NR1I2: variants seen among roughly 807,000 people sequenced by gnomAD.
The protein encoded by NR1I2 is orphan nuclear receptor PAR1.
Under a neutral mutation model 43.3 loss-of-function variants are expected in NR1I2, and 42 were observed. That is an observed-to-expected ratio of 0.97 (90% CI 0.76 to 1.26). The LOEUF (loss-of-function observed/expected upper bound fraction) is 1.26. Ranked by LOEUF, NR1I2 falls within the 50% of genes most tolerant of loss-of-function variation. NR1I2 has a pLI of 0.00. For missense variants in NR1I2, 559 were observed against 566.7 expected, an observed-to-expected ratio of 0.99 and a Z score of 0.14; for synonymous variants, 229 against 215.0, an observed-to-expected ratio of 1.06 and a Z score of -0.57.
At position 119,807,458 on chromosome 3, in the gene NR1I2, C is replaced by T; in HGVS notation, c.197+11C>T. ...CAAGGGCTTTTTCAGGTAGAGTTACCCATCAGCCTTCACCCACGTGCCACC... is the reference window on the plus strand; with the variant it reads ...CAAGGGCTTTTTCAGGTAGAGTTACTCATCAGCCTTCACCCACGTGCCACC... On this transcript the variant is annotated intron_variant, in intron 2 of 8. Transcript: ENST00000393716. 3 of 1,611,074 alleles carry T rather than the reference C, an allele frequency of 1.9e-6. No individual in the cohort carries two copies. Among genetic ancestry groups the T allele is most frequent in the Non-Finnish European group, 2.5e-6 (3 of 1,178,590 alleles).
chr3:119,783,508 G>C (rs1272813937), intron 1 of NR1I2, among the ~76,000 whole-genome samples: 1 of 152,022 alleles, frequency 6.6e-6, no homozygotes, highest in Non-Finnish European at 1.5e-5. Context: ...TTAACTATCT[G>C]GCCTTTAACA....
intron 8 of NR1I2, 119 bp downstream of exon 8, chr3:119,815,950 G>C: frequency 1.2e-6 from 1 of 803,070 alleles, no homozygotes; most frequent in Middle Eastern, 2.5e-4. Flanking sequence ...AGCCAGACCA[G>C]GTCCAAAGCT....
At chr3:119,815,648 C>A in intron 7 of NR1I2, 78 bp from the exon 8 acceptor site, 2 of 1,311,618 alleles carry the variant, frequency 1.5e-6, no homozygotes, top group Non-Finnish European at 2.2e-6. Flanking sequence ...GGGTGGTTGG[C>A]GAGCAATGCC....
intron 1 of NR1I2, 75 bp from the exon 2 acceptor site, chr3:119,807,154 G>C: frequency 7.7e-7 from 1 of 1,301,592 alleles, no homozygotes; most frequent in Admixed American, 1.9e-5. Flanking sequence ...GCATAGAAGG[G>C]ACAGAGTGTT....
At chr3:119,783,746 A>G (rs1434199042) in intron 1 of NR1I2, among the ~76,000 whole-genome samples, 1 of 152,174 alleles carries the variant, frequency 6.6e-6, no homozygotes, top group Non-Finnish European at 1.5e-5. Context: ...AGTTTCCCCA[A>G]AAGTACTTAG....
intron 1 of NR1I2, among the ~76,000 whole-genome samples, chr3:119,799,983 CAA>C (rs35810054): frequency 0.025 from 3,031 of 122,420 alleles, 36 homozygotes; most frequent in Middle Eastern, 0.11. Flanking sequence ...AACAAACAAA[CAA>C]ACACACACAC....
At position 119,782,294 on chromosome 3, in the gene NR1I2, C is replaced by T. The variant is rs2054783985; in HGVS notation, c.-29C>T. 1 of 170,610 alleles carries T rather than the reference C, an allele frequency of 5.9e-6. No homozygotes were observed. 10.6% of individuals were successfully genotyped at this position (170,610 alleles called of 1,614,324 possible). On this transcript the variant is annotated 5_prime_UTR_variant, in exon 1 of 9. Transcript: ENST00000393716. ...GAAGTCGGAGCAAAGAACTTACCAC[C>T]AAGCAGGTATGGTTTTTCTTTCTTT...
At chr3:119,800,788 C>G (rs2055069083) in intron 1 of NR1I2, among the ~76,000 whole-genome samples, 3 of 152,204 alleles carry the variant, frequency 2.0e-5, no homozygotes. Context: ...TAGGGAATCA[C>G]TTCCTGCCTG....
chr3:119,811,853 G>C (rs2055248475), intron 4 of NR1I2, 127 bp downstream of exon 4: 3 of 914,400 alleles, frequency 3.3e-6, no homozygotes, highest in Non-Finnish European at 5.2e-6. Flanking sequence ...GGTAGATTTG[G>C]AGAGCTGGTC....
In NR1I2 at chr3:119,809,912, C is replaced by T. The variant is rs112150637; in HGVS notation, c.198-149C>T. The T allele has an allele frequency of 4.2e-5, 43 of 1,015,214 alleles. No homozygotes were observed. The African/African-American group carries it at 4.6e-4, about 11-fold the overall frequency. 62.9% of individuals were successfully genotyped at this position (1,015,214 alleles called of 1,614,324 possible). ...TAGGGACTCCCACCTACACCCTTCCCATAAAGCCTGACCCAGCTGGGACGC... is the reference window on the plus strand; with the variant it reads ...TAGGGACTCCCACCTACACCCTTCCTATAAAGCCTGACCCAGCTGGGACGC... On this transcript the variant is annotated intron_variant, in intron 2 of 8. Coordinates refer to ENST00000393716, the MANE Select transcript of NR1I2 (RefSeq NM_003889.4).
chr3:119,782,922 C>A, intron 1 of NR1I2: 2 of 1,232,872 alleles, frequency 1.6e-6, no homozygotes, highest in South Asian at 1.2e-5. Flanking sequence ...TGCATGTGGT[C>A]AGTGCCACCA....
At chr3:119,803,905 G>A (rs2461819) in intron 1 of NR1I2, among the ~76,000 whole-genome samples, 10 of 151,938 alleles carry the variant, frequency 6.6e-5, no homozygotes, top group Admixed American at 2.6e-4. Flanking sequence ...TTACAGGCAC[G>A]CGCCACCACA....
At chr3:119,816,983 T>A (rs751418660) in intron 8 of NR1I2, 85 bp from the exon 9 acceptor site, 4 of 1,561,972 alleles carry the variant, frequency 2.6e-6, no homozygotes, top group Non-Finnish European at 3.5e-6. Context: ...GTCCAGAGAT[T>A]ATGCTTGTGC....
chr3:119,813,110 G>A, intron 5 of NR1I2, 150 bp downstream of exon 5: 2 of 896,882 alleles, frequency 2.2e-6, no homozygotes, highest in East Asian at 2.6e-5. Context: ...AGCCAGTGCT[G>A]CTGGGGAGTA....
intron 4 of NR1I2, 137 bp from the exon 5 acceptor site, chr3:119,812,548 TG>T: frequency 1.2e-6 from 1 of 859,604 alleles, no homozygotes; most frequent in Non-Finnish European, 2.0e-6. Context: ...CGCATGCATG[TG>T]GGTGTGAATG....
At chr3:119,784,461 G>A (rs912687712) in intron 1 of NR1I2, among the ~76,000 whole-genome samples, 1 of 151,980 alleles carries the variant, frequency 6.6e-6, no homozygotes, top group East Asian at 1.9e-4. Flanking sequence ...TATTTGATAT[G>A]TGTGTAATAT....
At chr3:119,796,807 A>C (rs894203832) in intron 1 of NR1I2, among the ~76,000 whole-genome samples, 4 of 152,174 alleles carry the variant, frequency 2.6e-5, no homozygotes, top group Admixed American at 6.5e-5. Context: ...GTCTATGGCA[A>C]CAGCCCCTGC....
chr3:119,787,428 C>T (rs1172323481), intron 1 of NR1I2, among the ~76,000 whole-genome samples: 1 of 152,136 alleles, frequency 6.6e-6, no homozygotes, highest in Non-Finnish European at 1.5e-5. Flanking sequence ...AAGCCCTGCC[C>T]TGCCTTCCTC....
At chr3:119,812,544 C>T (rs1451363487) in intron 4 of NR1I2, 142 bp from the exon 5 acceptor site, 2 of 845,968 alleles carry the variant, frequency 2.4e-6, no homozygotes, top group Non-Finnish European at 4.0e-6. Flanking sequence ...CACACGCATG[C>T]ATGTGGGTGT....
Sources: gnomAD v4.1 joint callset for allele counts (sites outside exome capture counted in the v4.1 genomes callset) on GRCh38, gnomAD v4.1.1 for gene constraint, MANE v1.5 for transcripts, NCBI Gene and HGNC (gene_info 2026-07-23, HGNC 2026-07-21) for gene names.